Variants in SLC39A11 observed in about 807,000 individuals in gnomAD.
The protein encoded by SLC39A11 is zinc transporter ZIP11.
A neutral mutation model predicts 36.1 loss-of-function variants in SLC39A11; 33 were observed. The ratio of observed to expected loss-of-function variants is 0.91; its 90% CI spans 0.69 to 1.22. SLC39A11 has a LOEUF of 1.22. Ranked by LOEUF, SLC39A11 falls within the 50% of genes most tolerant of loss-of-function variation. The probability of loss-of-function intolerance (pLI) is 0.00; values close to 1 mark genes in which losing one functional copy is unlikely to be tolerated. For missense variants in SLC39A11, 432 were observed against 430.3 expected (o/e 1.00, Z -0.03); for synonymous variants, 166 against 170.3 (o/e 0.97, Z 0.20).
chr17:72,646,285 G>T lies in SLC39A11; in HGVS notation c.*1299C>A. 6.5e-6 allele frequency: 1 copy of T among 152,744 alleles called. No homozygotes were observed. The highest frequency in any genetic ancestry group is 1.5e-5 in the Non-Finnish European group (1 of 68,034). 9.5% of individuals were successfully genotyped at this position (152,744 alleles called of 1,614,324 possible). ...TGCAATGCCTGCATACCTGACTCCT[G>T]GGCTGCCTTCCTTCTCAGCAGAGCC... On this transcript the variant is annotated 3_prime_UTR_variant, in exon 10 of 10. Transcript: ENST00000255559.
intron 7 of SLC39A11, among the ~76,000 whole-genome samples, chr17:72,706,947 C>G (rs899386887): frequency 6.6e-6 from 1 of 152,202 alleles, no homozygotes; most frequent in Admixed American, 6.5e-5. Context: ...AGAACCACTG[C>G]TCTAGGGCCG....
At chr17:73,061,116 C>T (rs2059826900) in intron 3 of SLC39A11, among the ~76,000 whole-genome samples, 1 of 152,210 alleles carries the variant, frequency 6.6e-6, no homozygotes, top group Admixed American at 6.5e-5. Context: ...AATCCCAGCA[C>T]TTTGGGAGGC....
At chr17:72,712,267 A>C (rs2073134885) in intron 7 of SLC39A11, among the ~76,000 whole-genome samples, 1 of 152,222 alleles carries the variant, frequency 6.6e-6, no homozygotes, top group Non-Finnish European at 1.5e-5. Flanking sequence ...CCCTGTTTTC[A>C]TCTGCCTGTG....
chr17:72,682,680 T>C (rs577345139), intron 7 of SLC39A11, among the ~76,000 whole-genome samples: 2 of 152,360 alleles, frequency 1.3e-5, no homozygotes, highest in South Asian at 4.1e-4. Flanking sequence ...TGGTCTCTTT[T>C]AGCTCCAAGC....
At position 73,068,285 on chromosome 17, in the gene SLC39A11, A is replaced by G. The variant is rs991692488; in HGVS notation, c.147+16523T>C. ...CTGCAACATGGACTGCGGCTCCTCC[A>G]CCATCTTGCTTGGAGAGACTCCGGG... On this transcript the variant is annotated intron_variant, in intron 3 of 9. Transcript: ENST00000255559. 3 of 673,662 alleles carry G rather than the reference A, an allele frequency of 4.5e-6. No individual in the cohort carries two copies. The African/African-American group carries it at 5.4e-5, about 12-fold the overall frequency. The allele number at this position is 673,662 out of a possible 1,614,324, so 41.7% of individuals were successfully genotyped here. A position where few individuals can be genotyped will look rare whatever the true frequency, so the allele number is the denominator to read the frequency against.
At chr17:72,986,537 G>A (rs2088774617) in intron 4 of SLC39A11, among the ~76,000 whole-genome samples, 1 of 152,166 alleles carries the variant, frequency 6.6e-6, no homozygotes, top group Non-Finnish European at 1.5e-5. Flanking sequence ...CTGCCACACT[G>A]CTGCACCCTC....
Position 72,713,846 on chromosome 17 carries a change from G to A in SLC39A11, c.671+22804C>T, listed in dbSNP as rs111320263. Among the ~76,000 whole-genome samples, 405 of 152,130 alleles carry A rather than the reference G, an allele frequency of 2.7e-3. 1 individual carries two copies. The highest frequency in any genetic ancestry group is 9.2e-3 in the African/African-American group (382 of 41,488). ...CTAGATGCTTTTCAAGTGCACTCTC[G>A]CTGAATCCCCCAACACTTTGACCCT... On this transcript the variant is annotated intron_variant, in intron 7 of 9. Transcript: ENST00000255559.
intron 6 of SLC39A11, among the ~76,000 whole-genome samples, chr17:72,780,045 T>C (rs529413225): frequency 2.0e-5 from 3 of 152,192 alleles, no homozygotes; most frequent in African/African-American, 4.8e-5. Flanking sequence ...TGGTCAAGCA[T>C]TGACCATCCC....
chr17:72,868,804 T>C (rs1430635195), intron 5 of SLC39A11, among the ~76,000 whole-genome samples: 1 of 151,750 alleles, frequency 6.6e-6, no homozygotes, highest in African/African-American at 2.4e-5. Flanking sequence ...TGAAACCCTG[T>C]CTCAAAAACA....
At chr17:72,719,752 G>C (rs1432348635) in intron 7 of SLC39A11, among the ~76,000 whole-genome samples, 1 of 152,222 alleles carries the variant, frequency 6.6e-6, no homozygotes, top group East Asian at 1.9e-4. Flanking sequence ...AGTATACGTT[G>C]TGCAGAGATA....
At chr17:72,731,713 TTTTGTTTGTTTGTTTG>T (rs55797288) in intron 7 of SLC39A11, among the ~76,000 whole-genome samples, 1 of 149,998 alleles carries the variant, frequency 6.7e-6, no homozygotes, top group Admixed American at 6.7e-5. Context: ...GCATTCCTTT[TTTTGTTTGTTTGTTTG>T]TTTGTTTGTT....
intron 4 of SLC39A11, among the ~76,000 whole-genome samples, chr17:72,979,104 C>T (rs185706887): frequency 8.0e-4 from 122 of 152,246 alleles, no homozygotes; most frequent in African/African-American, 2.8e-3. Flanking sequence ...GGGGCAGTTT[C>T]CCCCATGCTG....
intron 5 of SLC39A11, among the ~76,000 whole-genome samples, chr17:72,886,171 C>T (rs965187975): frequency 6.6e-6 from 1 of 152,166 alleles, no homozygotes; most frequent in East Asian, 1.9e-4. Context: ...CCCTGGTGCT[C>T]GGTCCTCAGT....
At chr17:72,982,575 C>T (rs1354815765) in intron 4 of SLC39A11, among the ~76,000 whole-genome samples, 1 of 152,080 alleles carries the variant, frequency 6.6e-6, no homozygotes, top group Non-Finnish European at 1.5e-5. Flanking sequence ...AAACCTTGTT[C>T]GTAATACTTC....
At chr17:72,962,334 CAG>C (rs1402395507) in intron 4 of SLC39A11, among the ~76,000 whole-genome samples, 1 of 152,190 alleles carries the variant, frequency 6.6e-6, no homozygotes, top group Non-Finnish European at 1.5e-5. Flanking sequence ...GTCCTCTGCT[CAG>C]AGTCCCACAG....
intron 3 of SLC39A11, chr17:73,068,097 T>C: frequency 1.4e-6 from 2 of 1,422,734 alleles, no homozygotes; most frequent in Non-Finnish European, 2.0e-6. Flanking sequence ...ATAATAGGAG[T>C]ATCTCCCACA....
At chr17:72,790,279 A>T (rs1288362413) in intron 6 of SLC39A11, among the ~76,000 whole-genome samples, 1 of 152,140 alleles carries the variant, frequency 6.6e-6, no homozygotes, top group Admixed American at 6.5e-5. Flanking sequence ...GAAAGAATCC[A>T]TCCTGGTTGC....
At chr17:72,861,720 A>C (rs2080033934) in intron 5 of SLC39A11, among the ~76,000 whole-genome samples, 1 of 125,904 alleles carries the variant, frequency 7.9e-6, no homozygotes, top group African/African-American at 3.0e-5. Context: ...TATAGGATAT[A>C]TATATACACA....
At chr17:72,856,000 C>T (rs958644015) in intron 5 of SLC39A11, among the ~76,000 whole-genome samples, 3 of 151,860 alleles carry the variant, frequency 2.0e-5, no homozygotes, top group African/African-American at 7.2e-5. Flanking sequence ...TTATTATTTA[C>T]ATTCTCATAT....
Sources: allele counts gnomAD v4.1 joint callset (sites outside exome capture counted in the v4.1 genomes callset), GRCh38; gene constraint gnomAD v4.1.1; transcripts MANE v1.5; gene names NCBI Gene and HGNC (gene_info 2026-07-23, HGNC 2026-07-21).